PARD3: variants seen among roughly 807,000 people sequenced by gnomAD.
The protein encoded by PARD3 is par-3 family cell polarity regulator.
In PARD3, 75 loss-of-function variants were observed where a neutral mutation model predicts 155.4. The observed-to-expected ratio is 0.48, with a 90% confidence interval of 0.40 to 0.58. The LOEUF is 0.58. Among genes scored for constraint, PARD3 ranks in the 20% least tolerant of loss-of-function variants. PARD3 has a pLI of 0.00. For synonymous variants in PARD3, 576 were observed against 610.5 expected (o/e 0.94, Z 0.83); for missense variants, 1,642 against 1,721.7 (o/e 0.95, Z 0.82).
chr10:34,299,710 A>T (rs537598707), intron 20 of PARD3, among the ~76,000 whole-genome samples: 52 of 152,348 alleles, frequency 3.4e-4, no homozygotes, highest in Admixed American at 2.9e-3. Flanking sequence ...GGACCTTCTG[A>T]AAAAGGAGTT....
Position 34,260,197 on chromosome 10 carries a change from A to T in PARD3, c.3419+9460T>A, listed in dbSNP as rs563445419. ...GCCATGTTGCCCAAAGTGGCCTCAA[A>T]CTCCTGGGCTCAAGCAATCCTCCAG... On this transcript the variant is annotated intron_variant, in intron 22 of 24. Coordinates refer to ENST00000374788, the MANE Select transcript of PARD3 (RefSeq NM_001184785.2). Among the ~76,000 whole-genome samples, 3 of 152,048 alleles carry T rather than the reference A, an allele frequency of 2.0e-5. No homozygotes were observed. The South Asian group carries it at 6.2e-4, about 32-fold the overall frequency.
chr10:34,376,463 C>T (rs1253493978), intron 10 of PARD3, among the ~76,000 whole-genome samples: 1 of 152,088 alleles, frequency 6.6e-6, no homozygotes, highest in Admixed American at 6.5e-5. Context: ...ATTCAAGTCC[C>T]AGCAGAGACT....
chr10:34,775,128 T>C (rs1001527227), intron 1 of PARD3, among the ~76,000 whole-genome samples: 2 of 152,130 alleles, frequency 1.3e-5, no homozygotes, highest in Non-Finnish European at 2.9e-5. Context: ...AGAAGCAGCA[T>C]AGAACCCAAT....
intron 2 of PARD3, among the ~76,000 whole-genome samples, chr10:34,658,176 T>C (rs2093231105): frequency 6.6e-6 from 1 of 151,598 alleles, no homozygotes; most frequent in Admixed American, 6.6e-5. Flanking sequence ...ACAACATAAG[T>C]GGATTTATTC....
intron 22 of PARD3, among the ~76,000 whole-genome samples, chr10:34,243,042 G>A (rs898173232): frequency 2.0e-5 from 3 of 152,126 alleles, no homozygotes; most frequent in African/African-American, 4.8e-5. Flanking sequence ...TCTGTGTTGC[G>A]CTGGTGTTAA....
At chr10:34,618,753 C>A (rs183393533) in intron 2 of PARD3, among the ~76,000 whole-genome samples, 1 of 152,306 alleles carries the variant, frequency 6.6e-6, no homozygotes. Flanking sequence ...CCACTTTCCA[C>A]CCGTTCCACA....
At chr10:34,241,328 C>CA (rs759455446) in intron 22 of PARD3, among the ~76,000 whole-genome samples, 18 of 152,076 alleles carry the variant, frequency 1.2e-4, no homozygotes, top group Non-Finnish European at 2.4e-4. Context: ...TAGGACTCTA[C>CA]ATTTGGCCTA....
chr10:34,805,311 T>C (rs1025971834), intron 1 of PARD3, among the ~76,000 whole-genome samples: 3 of 152,014 alleles, frequency 2.0e-5, no homozygotes, highest in Non-Finnish European at 4.4e-5. Flanking sequence ...GAGCCGAGAC[T>C]CTGCCACTGC....
intron 12 of PARD3, among the ~76,000 whole-genome samples, chr10:34,363,377 C>T (rs140236976): frequency 6.6e-6 from 1 of 152,240 alleles, no homozygotes; most frequent in East Asian, 1.9e-4. Flanking sequence ...AGCTTTCTTA[C>T]CAAGTCTTAA....
At chr10:34,651,931 T>A (rs1421619058) in intron 2 of PARD3, among the ~76,000 whole-genome samples, 1 of 152,218 alleles carries the variant, frequency 6.6e-6, no homozygotes, top group Non-Finnish European at 1.5e-5. Context: ...GCTTAATGAC[T>A]GGCCCCTAAG....
At chr10:34,680,864 T>G (rs2093802766) in intron 2 of PARD3, among the ~76,000 whole-genome samples, 1 of 145,926 alleles carries the variant, frequency 6.9e-6, no homozygotes, top group African/African-American at 2.5e-5. Context: ...GGGATAGCAT[T>G]GGGAGATATA....
chr10:34,462,551 GAA>G (rs1314233939), intron 4 of PARD3, among the ~76,000 whole-genome samples: 2 of 152,114 alleles, frequency 1.3e-5, no homozygotes, highest in Non-Finnish European at 2.9e-5. Context: ...CAGAAATCAA[GAA>G]GTCAAACTGG....
intron 1 of PARD3, among the ~76,000 whole-genome samples, chr10:34,745,548 A>T (rs991961074): frequency 6.6e-6 from 1 of 152,162 alleles, no homozygotes; most frequent in Non-Finnish European, 1.5e-5. Context: ...AGGCTAGGAT[A>T]AGAATCTAAG....
At chr10:34,711,392 G>A (rs918479900) in intron 1 of PARD3, among the ~76,000 whole-genome samples, 2 of 152,006 alleles carry the variant, frequency 1.3e-5, no homozygotes, top group African/African-American at 4.8e-5. Flanking sequence ...GTGGTGATGG[G>A]CATCTGTAAT....
chr10:34,645,017 C>T (rs1459289539), intron 2 of PARD3, among the ~76,000 whole-genome samples: 1 of 152,040 alleles, frequency 6.6e-6, no homozygotes, highest in African/African-American at 2.4e-5. Context: ...CCACACCCAG[C>T]TAATTTTTTA....
intron 1 of PARD3, among the ~76,000 whole-genome samples, chr10:34,771,408 T>C (rs12266891): frequency 0.024 from 3,627 of 152,286 alleles, 145 homozygotes; most frequent in African/African-American, 0.083. Context: ...ACGTGTAGCA[T>C]AGTGCCTGGC....
chr10:34,255,032 C>A (rs1564522883), intron 22 of PARD3, among the ~76,000 whole-genome samples: 1 of 152,258 alleles, frequency 6.6e-6, no homozygotes, highest in East Asian at 1.9e-4. Context: ...GTTTTTGTTA[C>A]AAAGCAGGTA....
chr10:34,530,387 T>C (rs2082764327), intron 2 of PARD3, among the ~76,000 whole-genome samples: 1 of 152,164 alleles, frequency 6.6e-6, no homozygotes, highest in African/African-American at 2.4e-5. Flanking sequence ...TTCTGTCAGA[T>C]GGTGTAATTT....
rs1714954481 is a variant in PARD3, at chr10:34,203,730, G to T, written c.3419+65927C>A. 3.3e-5 allele frequency among the ~76,000 whole-genome samples: 5 copies of T among 152,224 alleles called. No homozygotes were observed. In the South Asian group the frequency reaches 1.0e-3, roughly 32 times the overall value. ...TGATCTGTGGTTGGTCAAATCCATC[G>T]ATGCAGAACCCATGAATGCAGAGGG... On this transcript the variant is annotated intron_variant, in intron 22 of 24. Coordinates refer to ENST00000374788, the MANE Select transcript of PARD3 (RefSeq NM_001184785.2).
Sources: allele counts gnomAD v4.1 joint callset (sites outside exome capture counted in the v4.1 genomes callset), GRCh38; gene constraint gnomAD v4.1.1; transcripts MANE v1.5; gene names NCBI Gene and HGNC (gene_info 2026-07-23, HGNC 2026-07-21).